TTC17: variants seen among roughly 807,000 people sequenced by gnomAD.
TTC17 encodes the protein tetratricopeptide repeat protein 17.
TTC17 carries 58 observed loss-of-function variants against 143.8 expected under a neutral mutation model. The ratio of observed to expected loss-of-function variants is 0.40; its 90% CI spans 0.33 to 0.50. TTC17 has a LOEUF of 0.50. TTC17 is among the 20% of genes least tolerant of loss of function. The pLI, the probability that TTC17 is intolerant of heterozygous loss-of-function variation, is 0.49. For synonymous variants in TTC17, 501 were observed against 497.8 expected (o/e 1.01, Z -0.09); for missense variants, 1,273 against 1,392.5 (o/e 0.91, Z 1.37).
intron 21 of TTC17, among the ~76,000 whole-genome samples, chr11:43,483,130 A>G (rs1298335193): frequency 6.6e-6 from 1 of 152,094 alleles, no homozygotes; most frequent in Non-Finnish European, 1.5e-5. Context: ...AACTGATTCA[A>G]GAACAAAAAG....
intron 15 of TTC17, among the ~76,000 whole-genome samples, chr11:43,411,947 G>C (rs1489834307): frequency 6.6e-6 from 1 of 152,106 alleles, no homozygotes; most frequent in African/African-American, 2.4e-5. Context: ...TAAATCATAA[G>C]CATTGTTTTA....
Position 43,414,774 on chromosome 11 carries a change from G to C in TTC17, c.2249G>C (p.Ser750Thr). Residue 750 changes from serine to threonine, a missense_variant and splice_region_variant, in exon 16 of 24, where the codon AGT becomes ACT. Ser to Thr is a moderately conservative substitution (Grantham distance 58). Transcript: ENST00000039989. ...FLYNITSSVC[S>T]GTVVEESNGS... The stretch of plus-strand genomic sequence containing the variant: ...TACAACATCACTTCTTCTGTTTGCA[G>C]TGGTAAGCAGCTTTCAAATGCTGAC... 5 of 1,611,114 alleles carry C rather than the reference G, an allele frequency of 3.1e-6. No homozygotes were observed. The highest frequency in any genetic ancestry group is 4.2e-6 in the Non-Finnish European group (5 of 1,178,960).
intron 21 of TTC17, among the ~76,000 whole-genome samples, chr11:43,475,235 A>G (rs150663709): frequency 1.0e-3 from 154 of 152,304 alleles, no homozygotes; most frequent in African/African-American, 3.4e-3. Flanking sequence ...AGTGCTTTGA[A>G]TTTCAGATGG....
intron 1 of TTC17, among the ~76,000 whole-genome samples, chr11:43,375,149 C>G (rs1238234084): frequency 6.6e-5 from 10 of 152,160 alleles, no homozygotes; most frequent in African/African-American, 2.4e-4. Context: ...TTCTCAGGCC[C>G]CATGTAGATA....
At chr11:43,475,244 G>C (rs573294765) in intron 21 of TTC17, among the ~76,000 whole-genome samples, 23 of 152,266 alleles carry the variant, frequency 1.5e-4, no homozygotes, top group African/African-American at 5.3e-4. Flanking sequence ...AATTTCAGAT[G>C]GGGTTTTTTT....
chr11:43,416,827 A>G (rs1380393379), intron 16 of TTC17, among the ~76,000 whole-genome samples: 1 of 152,118 alleles, frequency 6.6e-6, no homozygotes, highest in East Asian at 1.9e-4. Flanking sequence ...ATCCTGGAAT[A>G]TATTCTGTGG....
At chr11:43,467,346 A>G (rs941816351) in intron 21 of TTC17, among the ~76,000 whole-genome samples, 1 of 152,240 alleles carries the variant, frequency 6.6e-6, no homozygotes, top group African/African-American at 2.4e-5. Flanking sequence ...TTAAAAAGGA[A>G]GGAAATTCCA....
At chr11:43,383,145 C>T (rs555712291) in intron 2 of TTC17, among the ~76,000 whole-genome samples, 5 of 152,114 alleles carry the variant, frequency 3.3e-5, no homozygotes, top group African/African-American at 4.8e-5. Flanking sequence ...AGTCCTCCCA[C>T]CTTGGGCTCC....
chr11:43,439,012 G>A (rs542530588), intron 16 of TTC17, among the ~76,000 whole-genome samples: 2 of 152,294 alleles, frequency 1.3e-5, no homozygotes, highest in South Asian at 4.1e-4. Flanking sequence ...GAGGCTAACA[G>A]CATCAGTCTT....
intron 2 of TTC17, among the ~76,000 whole-genome samples, chr11:43,386,865 A>G (rs993292238): frequency 3.3e-5 from 5 of 152,062 alleles, no homozygotes; most frequent in East Asian, 3.9e-4. Context: ...ATTGCTCACT[A>G]TAACCTCATT....
intron 4 of TTC17, 55 bp downstream of exon 4, chr11:43,391,631 TGG>T: frequency 7.8e-7 from 1 of 1,287,270 alleles, no homozygotes; most frequent in Non-Finnish European, 1.1e-6. Context: ...TTCTTTCAGT[TGG>T]TCTCTCACTT....
At chr11:43,419,235 TTGTC>T (rs1383873360) in intron 16 of TTC17, among the ~76,000 whole-genome samples, 2 of 152,222 alleles carry the variant, frequency 1.3e-5, no homozygotes, top group Non-Finnish European at 2.9e-5. Flanking sequence ...GTTCCTGTAA[TTGTC>T]TGCAAGTTTC....
intron 2 of TTC17, among the ~76,000 whole-genome samples, chr11:43,386,858 G>A (rs1857189063): frequency 6.6e-6 from 1 of 152,022 alleles, no homozygotes; most frequent in Non-Finnish European, 1.5e-5. Context: ...GATGATCATT[G>A]CTCACTATAA....
At chr11:43,444,324 G>C in intron 18 of TTC17, 115 bp downstream of exon 18, 1 of 1,062,584 alleles carries the variant, frequency 9.4e-7, no homozygotes, top group Non-Finnish European at 1.3e-6. Flanking sequence ...AAGGGGCAAA[G>C]TGTGGTCAAG....
rs971087302 is a variant in TTC17, at chr11:43,397,844, TA to T, written c.919-127del. 17 of 1,320,768 alleles carry T rather than the reference TA, an allele frequency of 1.3e-5. No individual in the cohort carries two copies. The African/African-American group carries it at 2.4e-4, about 19-fold the overall frequency. The allele number at this position is 1,320,768 out of a possible 1,614,324, so 81.8% of individuals were successfully genotyped here. On this transcript the variant is annotated intron_variant, in intron 7 of 23. Coordinates refer to ENST00000039989, the MANE Select transcript of TTC17 (RefSeq NM_018259.6). ...AGAGTAAGAGGTAGGTGTGATCTCA[TA>T]AATCATTAGAGGATTTGGACAGATG...
At position 43,407,498 on chromosome 11, in the gene TTC17, C is replaced by T; in HGVS notation, c.1985C>T (p.Ala662Val). 1 of 1,614,002 alleles carries T rather than the reference C, an allele frequency of 6.2e-7. No individual in the cohort carries two copies. Among genetic ancestry groups the T allele is most frequent in the Non-Finnish European group, 8.5e-7 (1 of 1,179,966 alleles). The change falls in exon 15 of 24, where the codon GCC becomes GTC. Residue 662 changes from alanine to valine, a missense_variant. By Grantham distance (64) the Ala-to-Val change is moderately conservative. This residue lies in a region of TTC17 where 878 missense variants were observed against 899.8 expected (regional missense o/e 0.98). Coordinates refer to ENST00000039989, the MANE Select transcript of TTC17 (RefSeq NM_018259.6). ...QYQDVPLVNL[A>V]NLLIHYGLHL... ...CAAGATGTTCCTCTTGTCAACTTGG[C>T]CAACCTTTTGATTCATTACGGCCTT...
At chr11:43,378,789 A>G (rs962070047) in intron 1 of TTC17, 1 of 159,686 alleles carries the variant, frequency 6.3e-6, no homozygotes, top group African/African-American at 2.4e-5. Context: ...ATTATCTTTG[A>G]TTTATGACTT....
chr11:43,432,961 G>A (rs1456407754), intron 16 of TTC17, among the ~76,000 whole-genome samples: 1 of 151,594 alleles, frequency 6.6e-6, no homozygotes, highest in Non-Finnish European at 1.5e-5. Flanking sequence ...ACCCTAAACC[G>A]GTCTGGTTTT....
intron 1 of TTC17, among the ~76,000 whole-genome samples, chr11:43,373,778 C>T (rs560897292): frequency 3.3e-5 from 5 of 152,114 alleles, no homozygotes; most frequent in Non-Finnish European, 5.9e-5. Flanking sequence ...GATACTTTTA[C>T]GGTAACGTTA....
Sources: gnomAD v4.1 joint callset for allele counts (sites outside exome capture counted in the v4.1 genomes callset) on GRCh38, gnomAD v4.1.1 for gene constraint, gnomAD v4.1.1 regional missense constraint, MANE v1.5 for transcripts, NCBI Gene and HGNC (gene_info 2026-07-23, HGNC 2026-07-21) for gene names.